The following NTM variants were observed in gnomAD, a reference collection of about 807,000 sequenced individuals.
The protein encoded by NTM is neurotrimin.
NTM carries 13 observed loss-of-function variants against 42.1 expected under a neutral mutation model. The observed-to-expected ratio is 0.31, with a 90% CI of 0.20 to 0.49. NTM has a LOEUF of 0.49. Among genes scored for constraint, NTM ranks in the 20% least tolerant of loss-of-function variants. The pLI is 0.99. For synonymous variants in NTM, 187 were observed against 179.2 expected, an observed-to-expected ratio of 1.04 and a Z score of -0.35; for missense variants, 373 against 452.8, an observed-to-expected ratio of 0.82 and a Z score of 1.60.
At chr11:131,874,034 T>TAATATAATATA (rs1359658670) in intron 1 of NTM, among the ~76,000 whole-genome samples, 15 of 25,502 alleles carry the variant, frequency 5.9e-4, no homozygotes, top group African/African-American at 4.1e-3. Context: ...TAATATAATA[T>TAATATAATATA]ATATATATAT....
intron 2 of NTM, among the ~76,000 whole-genome samples, chr11:131,982,873 T>C (rs2065473426): frequency 6.6e-6 from 1 of 152,170 alleles, no homozygotes; most frequent in African/African-American, 2.4e-5. Context: ...GACCTGGTCT[T>C]GCCTTTCTGC....
intron 1 of NTM, among the ~76,000 whole-genome samples, chr11:131,500,944 T>A (rs964478656): frequency 2.0e-5 from 3 of 151,608 alleles, no homozygotes; most frequent in Admixed American, 2.0e-4. Flanking sequence ...CTGCATAGTA[T>A]TCTATGGTGT....
At chr11:131,527,026 A>G (rs571027019) in intron 1 of NTM, among the ~76,000 whole-genome samples, 62 of 152,272 alleles carry the variant, frequency 4.1e-4, no homozygotes, top group African/African-American at 1.4e-3. Flanking sequence ...TTTCAGTCCT[A>G]TCTAGTCCGA....
chr11:132,172,716 G>A (rs2076281066), intron 3 of NTM, among the ~76,000 whole-genome samples: 1 of 152,172 alleles, frequency 6.6e-6, no homozygotes, highest in African/African-American at 2.4e-5. Context: ...GAAAATGGGT[G>A]TAGGACCCAG....
chr11:131,623,173 T>G (rs1476055162), intron 1 of NTM, among the ~76,000 whole-genome samples: 2 of 152,186 alleles, frequency 1.3e-5, no homozygotes, highest in Non-Finnish European at 2.9e-5. Context: ...GGTGTGAAGT[T>G]TGCAATCAGA....
intron 7 of NTM, among the ~76,000 whole-genome samples, chr11:132,322,147 C>T (rs1387675880): frequency 2.0e-5 from 3 of 151,798 alleles, no homozygotes; most frequent in Non-Finnish European, 2.9e-5. Flanking sequence ...CAGCTAACAT[C>T]ATAATGACAG....
At chr11:131,640,934 C>A (rs2065053432) in intron 1 of NTM, among the ~76,000 whole-genome samples, 1 of 152,138 alleles carries the variant, frequency 6.6e-6, no homozygotes, top group Admixed American at 6.5e-5. Flanking sequence ...TCGTATTTTC[C>A]AGACAGGAAT....
chr11:132,012,295 T>C (rs548632770), intron 2 of NTM, among the ~76,000 whole-genome samples: 59 of 152,334 alleles, frequency 3.9e-4, no homozygotes, highest in African/African-American at 1.4e-3. Context: ...ATTTTATTAC[T>C]TTCAAGAACA....
chr11:131,919,081 A>AGG (rs1159282661), intron 2 of NTM, among the ~76,000 whole-genome samples: 1 of 150,932 alleles, frequency 6.6e-6, no homozygotes, highest in African/African-American at 2.4e-5. Flanking sequence ...CCATAGCACC[A>AGG]GGGGAACAAG....
chr11:131,424,489 C>T (rs188557428), intron 1 of NTM, among the ~76,000 whole-genome samples: 29 of 152,086 alleles, frequency 1.9e-4, no homozygotes, highest in African/African-American at 7.0e-4. Flanking sequence ...CAGATAAATG[C>T]CTGGAGGATC....
In NTM at chr11:132,182,866, C is replaced by T. The variant is rs575160764; in HGVS notation, c.401-29156C>T. ...CTTATAGTACAGGAACACAGACCAC[C>T]TCATTTTCCAACATTTTAAAGATTT... On this transcript the variant is annotated intron_variant, in intron 3 of 8. Coordinates refer to ENST00000683400, the MANE Select transcript of NTM (RefSeq NM_001352005.2). 2.0e-5 allele frequency among the ~76,000 whole-genome samples: 3 copies of T among 152,180 alleles called. No individual in the cohort carries two copies. In the East Asian group the frequency reaches 5.8e-4, roughly 29 times the overall value.
intron 4 of NTM, among the ~76,000 whole-genome samples, chr11:132,250,882 C>T (rs1301207846): frequency 6.6e-6 from 1 of 152,082 alleles, no homozygotes; most frequent in Non-Finnish European, 1.5e-5. Flanking sequence ...CTATTTTATG[C>T]TGTTCTCACT....
At chr11:131,612,469 G>C (rs550750963) in intron 1 of NTM, among the ~76,000 whole-genome samples, 1 of 152,184 alleles carries the variant, frequency 6.6e-6, no homozygotes, top group Non-Finnish European at 1.5e-5. Flanking sequence ...GCTGTGATGC[G>C]TCACCAATCT....
chr11:132,166,055 G>A (rs2075223994), intron 3 of NTM, among the ~76,000 whole-genome samples: 1 of 151,822 alleles, frequency 6.6e-6, no homozygotes, highest in East Asian at 1.9e-4. Flanking sequence ...GCTCTTTATG[G>A]CCCAAGTTTT....
chr11:131,894,284 G>A (rs1200147340), intron 1 of NTM, among the ~76,000 whole-genome samples: 1 of 152,178 alleles, frequency 6.6e-6, no homozygotes, highest in Non-Finnish European at 1.5e-5. Flanking sequence ...GGTCTATAAA[G>A]TATTGGCCTA....
intron 1 of NTM, among the ~76,000 whole-genome samples, chr11:131,584,063 T>C (rs770333812): frequency 1.2e-4 from 18 of 152,208 alleles, no homozygotes; most frequent in Non-Finnish European, 2.2e-4. Flanking sequence ...AAAAGAGACG[T>C]GCTGGCATCT....
At chr11:131,548,507 A>G (rs2054237641) in intron 1 of NTM, among the ~76,000 whole-genome samples, 1 of 152,146 alleles carries the variant, frequency 6.6e-6, no homozygotes. Flanking sequence ...AAGTTATAAT[A>G]ATTATGATAA....
At chr11:131,767,769 C>A (rs996908389) in intron 1 of NTM, among the ~76,000 whole-genome samples, 1 of 152,176 alleles carries the variant, frequency 6.6e-6, no homozygotes, top group Non-Finnish European at 1.5e-5. Flanking sequence ...CTGAACCAGA[C>A]CCATTTGCCC....
At position 132,148,320 on chromosome 11, in the gene NTM, T is replaced by A. The variant is rs1168389843; in HGVS notation, c.400+1806T>A. On this transcript the variant is annotated intron_variant, in intron 3 of 8. Coordinates refer to ENST00000683400, the MANE Select transcript of NTM (RefSeq NM_001352005.2). ...TTAATGTAAAATACATTTTTTATTA[T>A]GGATAGGGAGGCCAAAAATGCTTGA... Among the ~76,000 whole-genome samples, 7 of 152,262 alleles carry A rather than the reference T, an allele frequency of 4.6e-5. No homozygotes were observed. The East Asian group carries it at 1.2e-3, about 25-fold the overall frequency.
Sources: allele counts gnomAD v4.1 joint callset (sites outside exome capture counted in the v4.1 genomes callset), GRCh38; gene constraint gnomAD v4.1.1; transcripts MANE v1.5; gene names NCBI Gene and HGNC (gene_info 2026-07-23, HGNC 2026-07-21).